CFAP46: variants seen among roughly 807,000 people sequenced by gnomAD.
CFAP46 encodes the protein cilia and flagella associated protein 46, also known as cilia- and flagella-associated protein 46.
In CFAP46, 245 loss-of-function variants were observed where a neutral mutation model predicts 325.7. The observed-to-expected ratio is 0.75, with a 90% CI of 0.68 to 0.84. CFAP46 has a LOEUF of 0.84. Among genes scored for constraint, CFAP46 ranks in the 40% least tolerant of loss-of-function variants. CFAP46 has a pLI of 0.00. For synonymous variants in CFAP46, 1,523 were observed against 1,495.9 expected, an observed-to-expected ratio of 1.02 and a Z score of -0.42; for missense variants, 3,346 against 3,543.0, an observed-to-expected ratio of 0.94 and a Z score of 1.41.
intron 38 of CFAP46, 88 bp downstream of exon 38, chr10:132,858,983 G>A: frequency 7.1e-7 from 1 of 1,400,526 alleles, no homozygotes; most frequent in African/African-American, 1.4e-5. Flanking sequence ...GCCGGGGTGA[G>A]CCAGGCCCAG....
chr10:132,883,463 C>T (rs959839054), intron 27 of CFAP46, among the ~76,000 whole-genome samples: 3 of 152,242 alleles, frequency 2.0e-5, no homozygotes, highest in Admixed American at 6.5e-5. Flanking sequence ...AATAGTCAGA[C>T]GACATCAAGA....
At chr10:132,903,781 AAT>A (rs1849420927) in intron 22 of CFAP46, among the ~76,000 whole-genome samples, 1 of 152,196 alleles carries the variant, frequency 6.6e-6, no homozygotes, top group Admixed American at 6.5e-5. Context: ...ATGATATGTG[AAT>A]ATATATAAAA....
intron 39 of CFAP46, among the ~76,000 whole-genome samples, chr10:132,854,135 G>C (rs1037234890): frequency 1.3e-5 from 2 of 152,030 alleles, no homozygotes; most frequent in East Asian, 1.9e-4. Context: ...TTCTCCTACA[G>C]GTGTTTAGTG....
intron 55 of CFAP46, 40 bp downstream of exon 55, chr10:132,812,745 G>C (rs529769109): frequency 2.0e-6 from 3 of 1,500,364 alleles, no homozygotes; most frequent in African/African-American, 1.4e-5. Flanking sequence ...GGTTTGTCCT[G>C]TGCCCGCGGG....
chr10:132,909,101 G>C, intron 21 of CFAP46, 36 bp downstream of exon 21: 1 of 1,479,070 alleles, frequency 6.8e-7, no homozygotes, highest in Non-Finnish European at 9.2e-7. Flanking sequence ...CTCGCCTCTT[G>C]GCCCCTGGCC....
At chr10:132,935,005 A>T in intron 7 of CFAP46, 143 bp from the exon 8 acceptor site, 1 of 662,422 alleles carries the variant, frequency 1.5e-6, no homozygotes, top group African/African-American at 1.8e-5. Flanking sequence ...CTTTCCTCAA[A>T]TTCCTGAGAT....
intron 29 of CFAP46, 32 bp from the exon 30 acceptor site, chr10:132,878,119 T>C (rs1183216973): frequency 1.9e-6 from 3 of 1,546,060 alleles, no homozygotes; most frequent in Non-Finnish European, 2.6e-6. Context: ...TTTGCAGCAC[T>C]GAAAACCCAC....
At position 132,896,191 on chromosome 10, in the gene CFAP46, C is replaced by T. The variant is rs11146567; in HGVS notation, c.3219+2768G>A. ...GCCAGGCTCTGTGTGCCATGAGACA[C>T]GGCGAGAAGGCAGCTAGGCTCTGTG... On this transcript the variant is annotated intron_variant, in intron 24 of 57. Coordinates refer to ENST00000368586, the MANE Select transcript of CFAP46 (RefSeq NM_001200049.3). 1.4e-3 allele frequency among the ~76,000 whole-genome samples: 160 copies of T among 114,750 alleles called. 10 individuals are homozygous for T. Among genetic ancestry groups the T allele is most frequent in the South Asian group, 0.012 (43 of 3,640 alleles). 75.3% of individuals were successfully genotyped at this position (114,750 alleles called of 152,430 possible). A position where few individuals can be genotyped will look rare whatever the true frequency, so the allele number is the denominator to read the frequency against.
chr10:132,821,401 G>C (rs1847820853), intron 50 of CFAP46, among the ~76,000 whole-genome samples: 1 of 134,650 alleles, frequency 7.4e-6, no homozygotes, highest in Admixed American at 7.1e-5. Context: ...TGCTGTGTGT[G>C]TGCTGTGTGC....
rs1246109243 is a variant in CFAP46, at chr10:132,939,744, G to A, written c.372-991C>T. ...TCATGGGACTCCAGCGGCCTGCTGC[G>A]TCTCCCTGAGTGCTGCGTCTCCCTG... On this transcript the variant is annotated intron_variant, in intron 4 of 57. Coordinates refer to ENST00000368586, the MANE Select transcript of CFAP46 (RefSeq NM_001200049.3). The surrounding 1 kb of genome is among the most constrained non-coding windows in gnomAD (Gnocchi z 4.6). 2.0e-5 allele frequency among the ~76,000 whole-genome samples: 3 copies of A among 152,038 alleles called. No homozygotes were observed. Among genetic ancestry groups the A allele is most frequent in the Non-Finnish European group, 1.5e-5 (1 of 67,992 alleles).
At chr10:132,925,009 A>G (rs1849787379) in intron 10 of CFAP46, 123 bp from the exon 11 acceptor site, 1 of 759,076 alleles carries the variant, frequency 1.3e-6, no homozygotes, top group Non-Finnish European at 1.9e-6. Context: ...GCGTGGCGTC[A>G]TGCTCAAATC....
At position 132,828,264 on chromosome 10, in the gene CFAP46, T is replaced by C. The variant is rs909588687; in HGVS notation, c.7117+5094A>G. Among the ~76,000 whole-genome samples, 1 of 152,232 alleles carries C rather than the reference T, an allele frequency of 6.6e-6. No individual in the cohort carries two copies. Among genetic ancestry groups the C allele is most frequent in the African/African-American group, 2.4e-5 (1 of 41,454 alleles). On this transcript the variant is annotated intron_variant, in intron 50 of 57. Coordinates refer to ENST00000368586, the MANE Select transcript of CFAP46 (RefSeq NM_001200049.3). The surrounding 1 kb of genome is among the most constrained non-coding windows in gnomAD (Gnocchi z 4.9). ...ATACAACAGGCCTGCTTTAACTTCT[T>C]AAGAAACTGCCAAACTGTCTTCCAA...
chr10:132,824,435 G>T (rs1412562129), intron 50 of CFAP46, among the ~76,000 whole-genome samples: 1 of 120,848 alleles, frequency 8.3e-6, no homozygotes, highest in Non-Finnish European at 1.8e-5. Context: ...GCTGATGTGT[G>T]CTGTGTGCTG....
Position 132,810,401 on chromosome 10 carries a change from T to C in CFAP46, c.7664+8A>G, listed in dbSNP as rs1398616420. On this transcript the variant is annotated splice_region_variant and intron_variant, in intron 57 of 57. Coordinates refer to ENST00000368586, the MANE Select transcript of CFAP46 (RefSeq NM_001200049.3). The stretch of plus-strand genomic sequence containing the variant: ...AAGGCCGCGGGGTGCAGGCCGCCCC[T>C]CCCTTACCTTGGTTCACCGCCTCGT... 1.9e-6 allele frequency: 3 copies of C among 1,612,892 alleles called. No individual in the cohort carries two copies. The highest frequency in any genetic ancestry group is 2.5e-6 in the Non-Finnish European group (3 of 1,179,740).
chr10:132,915,792 G>A (rs150562495), intron 17 of CFAP46, among the ~76,000 whole-genome samples: 138 of 152,308 alleles, frequency 9.1e-4, no homozygotes, highest in Non-Finnish European at 7.1e-4. Context: ...GGGGGACATC[G>A]AACATTCCCA....
intron 27 of CFAP46, among the ~76,000 whole-genome samples, chr10:132,881,838 G>A (rs956533568): frequency 1.6e-4 from 25 of 152,272 alleles, no homozygotes; most frequent in African/African-American, 5.1e-4. Context: ...GTGGCTCTCT[G>A]AGCGCTGGCC....
intron 10 of CFAP46, 124 bp from the exon 11 acceptor site, chr10:132,925,010 T>C: frequency 2.8e-6 from 2 of 714,852 alleles, no homozygotes; most frequent in Non-Finnish European, 4.1e-6. Context: ...CGTGGCGTCA[T>C]GCTCAAATCT....
intron 50 of CFAP46, among the ~76,000 whole-genome samples, chr10:132,829,484 G>A (rs1848114247): frequency 6.6e-6 from 1 of 152,148 alleles, no homozygotes; most frequent in Non-Finnish European, 1.5e-5. Context: ...CACAGATGAT[G>A]AGACCACCTG....
Position 132,909,166 on chromosome 10 carries a change from T to C in CFAP46, c.2728A>G (p.Met910Val), listed in dbSNP as rs537009307. The stretch of plus-strand genomic sequence containing the variant: ...GCCAGGGAGGGGACAGTGAAGTCCA[T>C]GAGGCCCAGCCCGTTGCATGAGTAC... ...EMYSCNGLGL[M>V]DFTVPSLAQL... is the part of the protein sequence containing the mutation. Residue 910 changes from methionine (M) to valine (V), a missense_variant, in exon 21 of 58, where the codon ATG becomes GTG. Transcript: ENST00000368586. 4 of 1,549,816 alleles carry C rather than the reference T, an allele frequency of 2.6e-6. No homozygotes were observed. The highest frequency in any genetic ancestry group is 1.4e-5 in the African/African-American group (1 of 73,018).
Sources: gnomAD v4.1 joint callset for allele counts (sites outside exome capture counted in the v4.1 genomes callset) on GRCh38, gnomAD v4.1.1 for gene constraint, Gnocchi (gnomAD v3.1) non-coding constraint, MANE v1.5 for transcripts, NCBI Gene and HGNC (gene_info 2026-07-23, HGNC 2026-07-21) for gene names.